KHDC1: variants seen among roughly 807,000 people sequenced by gnomAD.
KHDC1 encodes the protein KH homology domain-containing protein 1.
Under a neutral mutation model 24.7 loss-of-function variants are expected in KHDC1, and 21 were observed. The ratio of observed to expected loss-of-function variants is 0.85; its 90% CI spans 0.60 to 1.23. KHDC1 has a LOEUF of 1.23. KHDC1 is among the 50% of genes most tolerant of loss of function. KHDC1 has a pLI of 0.00. For missense variants in KHDC1, 274 were observed against 298.5 expected, an observed-to-expected ratio of 0.92 and a Z score of 0.61; for synonymous variants, 98 against 111.7, an observed-to-expected ratio of 0.88 and a Z score of 0.77.
intron 1 of KHDC1, among the ~76,000 whole-genome samples, chr6:73,297,981 G>C (rs10455274): frequency 1.3e-5 from 2 of 151,786 alleles, no homozygotes; most frequent in Non-Finnish European, 1.5e-5. Context: ...ACATGACTCC[G>C]GGAGTTTGAG....
intron 2 of KHDC1, chr6:73,268,748 C>A (rs1323345970): frequency 1.3e-5 from 2 of 152,332 alleles, no homozygotes; most frequent in African/African-American, 4.8e-5. Context: ...TATTTACAAT[C>A]CCTGAGCTAG....
chr6:73,269,018 G>C (rs1326836718), intron 2 of KHDC1: 1 of 154,144 alleles, frequency 6.5e-6, no homozygotes. Context: ...CCCTTGCCCC[G>C]TGGGAAGGCA....
chr6:73,309,725 T>A, exon 1 of KHDC1: 1 of 1,549,810 alleles, frequency 6.5e-7, no homozygotes, highest in Non-Finnish European at 8.7e-7. Context: ...TTCGCGTTTC[T>A]GGCCTGGGAA....
exon 1 of KHDC1, chr6:73,310,193 G>T: frequency 6.1e-6 from 1 of 162,934 alleles, no homozygotes; most frequent in Non-Finnish European, 1.3e-5. Flanking sequence ...TAATTACACC[G>T]CCCTGGACCC....
chr6:73,308,679 T>C (rs1331608943), intron 1 of KHDC1, among the ~76,000 whole-genome samples: 1 of 151,938 alleles, frequency 6.6e-6, no homozygotes, highest in Non-Finnish European at 1.5e-5. Context: ...TCATATTTTT[T>C]TGTAGAGACG....
intron 2 of KHDC1, among the ~76,000 whole-genome samples, chr6:73,271,722 C>G (rs531649720): frequency 6.6e-6 from 1 of 151,370 alleles, no homozygotes; most frequent in South Asian, 2.1e-4. Context: ...GGTGAAACCC[C>G]TTCTCTACTA....
At position 73,262,946 on chromosome 6, in the gene KHDC1, CACAGGGGGG is replaced by C. The variant is rs1165502139; in HGVS notation, c.207-20425_207-20417del. The C allele has an allele frequency of 4.0e-6, 4 of 991,046 alleles. No individual in the cohort carries two copies. In the African/African-American group the frequency reaches 7.0e-5, roughly 17 times the overall value. The allele number at this position is 991,046 out of a possible 1,614,324, so 61.4% of individuals were successfully genotyped here. ...TCACCGGACTAACCGAGTTCGAGAC[CACAGGGGGG>C]TCAGGTAGCCAAGGCTGGGCTTTGA... On this transcript the variant is annotated intron_variant, in intron 2 of 4. Transcript: ENST00000370384.
intron 1 of KHDC1, chr6:73,292,741 T>C (rs16883547): frequency 0.071 from 52,399 of 735,690 alleles, 2,170 homozygotes; most frequent in East Asian, 0.11. Flanking sequence ...CAAACAAGGA[T>C]GTTCGAAAAC....
chr6:73,250,627 T>C (rs1370904383), intron 2 of KHDC1, among the ~76,000 whole-genome samples: 2 of 152,258 alleles, frequency 1.3e-5, no homozygotes, highest in Non-Finnish European at 2.9e-5. Flanking sequence ...TTTCCTGTTA[T>C]TTGCTGTTCA....
chr6:73,290,233 T>C (rs992457022), intron 2 of KHDC1, among the ~76,000 whole-genome samples: 1 of 150,128 alleles, frequency 6.7e-6, no homozygotes, highest in Non-Finnish European at 1.5e-5. Context: ...GCTGACATCA[T>C]GCCACTGCAC....
intron 1 of KHDC1, among the ~76,000 whole-genome samples, chr6:73,304,017 A>G (rs1053921336): frequency 2.0e-5 from 3 of 152,060 alleles, no homozygotes; most frequent in Non-Finnish European, 2.9e-5. Context: ...CTTCTCTACT[A>G]AAAATACAAA....
intron 2 of KHDC1, among the ~76,000 whole-genome samples, chr6:73,281,188 AT>A (rs1240590418): frequency 3.9e-5 from 6 of 152,124 alleles, no homozygotes; most frequent in Admixed American, 1.3e-4. Flanking sequence ...AAAAATAGAA[AT>A]TTAGCCAGGC....
Position 73,298,302 on chromosome 6 carries a change from G to A in KHDC1, c.164-6262C>T, listed in dbSNP as rs910577898. Among the ~76,000 whole-genome samples the A allele has an allele frequency of 2.3e-4, 35 of 152,092 alleles. 1 individual carries two copies. The highest frequency in any genetic ancestry group is 8.4e-4 in the African/African-American group (35 of 41,500). ...TCACATGGGACAAATGCAAGGACAGGCTCAAGTTTCCCACATGCAGCATTT... is the reference window on the plus strand; with the variant it reads ...TCACATGGGACAAATGCAAGGACAGACTCAAGTTTCCCACATGCAGCATTT... On this transcript the variant is annotated intron_variant, in intron 1 of 4. Transcript: ENST00000370384.
chr6:73,261,606 TA>T (rs898826886), intron 2 of KHDC1, among the ~76,000 whole-genome samples: 1 of 148,286 alleles, frequency 6.7e-6, no homozygotes. Context: ...CCTGTCACTA[TA>T]AAAAAAATAC....
At chr6:73,282,838 C>A (rs1302892452) in intron 2 of KHDC1, among the ~76,000 whole-genome samples, 4 of 152,192 alleles carry the variant, frequency 2.6e-5, no homozygotes, top group African/African-American at 9.7e-5. Flanking sequence ...TTCCCCCACC[C>A]ACCATATTAT....
intron 2 of KHDC1, among the ~76,000 whole-genome samples, chr6:73,278,009 G>GTTTTTT (rs70994182): frequency 5.6e-5 from 6 of 106,350 alleles, no homozygotes; most frequent in South Asian, 3.0e-4. Context: ...TCTCTCGGGT[G>GTTTTTT]TTTTTTTTTT....
At chr6:73,249,351 T>G (rs936857275) in intron 2 of KHDC1, among the ~76,000 whole-genome samples, 1 of 151,972 alleles carries the variant, frequency 6.6e-6, no homozygotes, top group Non-Finnish European at 1.5e-5. Context: ...ATGTACTGGG[T>G]AGGGGTGGCT....
intron 1 of KHDC1, among the ~76,000 whole-genome samples, chr6:73,307,556 C>T (rs923140392): frequency 3.3e-5 from 5 of 152,150 alleles, no homozygotes; most frequent in Non-Finnish European, 5.9e-5. Context: ...TTTCCCTGTC[C>T]TCATCTTTCA....
At chr6:73,250,239 T>G (rs1201832085) in intron 2 of KHDC1, among the ~76,000 whole-genome samples, 2 of 152,138 alleles carry the variant, frequency 1.3e-5, no homozygotes, top group Admixed American at 6.6e-5. Context: ...ACTCCTAACA[T>G]CAATTTAATT....
Sources: allele counts gnomAD v4.1 joint callset (sites outside exome capture counted in the v4.1 genomes callset), GRCh38; gene constraint gnomAD v4.1.1; transcripts MANE v1.5; gene names NCBI Gene and HGNC (gene_info 2026-07-23, HGNC 2026-07-21).